SUGCT: variants seen among roughly 807,000 people sequenced by gnomAD.
SUGCT encodes the protein succinyl-CoA:glutarate CoA-transferase.
In SUGCT, 41 loss-of-function variants were observed where a neutral mutation model predicts 55.0. That is an observed-to-expected ratio of 0.74 (90% CI 0.58 to 0.97). The LOEUF (loss-of-function observed/expected upper bound fraction) is 0.97. SUGCT is among the 50% of genes least tolerant of loss of function. The pLI is 0.00. For synonymous variants in SUGCT, 187 were observed against 200.4 expected, an observed-to-expected ratio of 0.93 and a Z score of 0.56; for missense variants, 568 against 547.8, an observed-to-expected ratio of 1.04 and a Z score of -0.37.
chr7:40,384,939 TCTTTTCTTGTCCTCAAGGGC>T (rs1167335037), intron 9 of SUGCT, among the ~76,000 whole-genome samples: 2 of 152,156 alleles, frequency 1.3e-5, no homozygotes, highest in African/African-American at 2.4e-5. Flanking sequence ...AAAGATAGGC[TCTTTTCTTGTCCTCAAGGGC>T]CTTTTCTTGT....
At chr7:40,198,104 T>C (rs1786389080) in intron 6 of SUGCT, among the ~76,000 whole-genome samples, 1 of 152,190 alleles carries the variant, frequency 6.6e-6, no homozygotes, top group Non-Finnish European at 1.5e-5. Context: ...GAGAGGGTGA[T>C]AGGCAGATAT....
chr7:40,959,301 A>C, the SUGCT span, among the ~76,000 whole-genome samples: 2 of 152,190 alleles, frequency 1.3e-5, no homozygotes, highest in African/African-American at 4.8e-5. Context: ...TGTCCCAGGG[A>C]GATGGGAGTT....
intron 12 of SUGCT, among the ~76,000 whole-genome samples, chr7:40,560,074 C>G (rs1795755582): frequency 6.6e-6 from 1 of 152,136 alleles, no homozygotes; most frequent in African/African-American, 2.4e-5. Context: ...TTTAAAATAT[C>G]TTGTTACTAG....
At chr7:40,789,710 A>C (rs997913665) in intron 13 of SUGCT, among the ~76,000 whole-genome samples, 1 of 152,224 alleles carries the variant, frequency 6.6e-6, no homozygotes, top group African/African-American at 2.4e-5. Flanking sequence ...CCCAAGAAAT[A>C]GAGTCCTAAA....
chr7:40,900,092 C>T, the SUGCT span, among the ~76,000 whole-genome samples: 5 of 152,172 alleles, frequency 3.3e-5, no homozygotes, highest in Non-Finnish European at 4.4e-5. Context: ...GAAGCATTGG[C>T]CAGGCTCTGG....
At chr7:40,338,291 G>A (rs1428816714) in intron 9 of SUGCT, among the ~76,000 whole-genome samples, 1 of 152,052 alleles carries the variant, frequency 6.6e-6, no homozygotes, top group Non-Finnish European at 1.5e-5. Context: ...TTGAATGTTG[G>A]CCTGCCTTGC....
intron 9 of SUGCT, among the ~76,000 whole-genome samples, chr7:40,429,669 G>T (rs946087522): frequency 1.3e-5 from 2 of 152,126 alleles, no homozygotes; most frequent in Admixed American, 1.3e-4. Flanking sequence ...TCCTAGCCAC[G>T]CTGGCAGCTG....
intron 8 of SUGCT, among the ~76,000 whole-genome samples, chr7:40,276,519 G>A (rs564062683): frequency 6.6e-6 from 1 of 152,156 alleles, no homozygotes; most frequent in African/African-American, 2.4e-5. Flanking sequence ...TTATGTAGCA[G>A]GTCGTGGAGT....
intron 13 of SUGCT, among the ~76,000 whole-genome samples, chr7:40,811,403 G>T (rs558412195): frequency 1.1e-4 from 17 of 152,214 alleles, no homozygotes; most frequent in African/African-American, 4.1e-4. Flanking sequence ...CGTGAGTATG[G>T]AATATTTTTT....
chr7:40,772,174 C>T (rs1041841260), intron 13 of SUGCT, among the ~76,000 whole-genome samples: 2 of 152,060 alleles, frequency 1.3e-5, no homozygotes, highest in African/African-American at 4.8e-5. Context: ...CTTTCCACAC[C>T]AAAAGTCTGT....
At chr7:40,624,897 T>C (rs1799451642) in intron 12 of SUGCT, among the ~76,000 whole-genome samples, 1 of 151,802 alleles carries the variant, frequency 6.6e-6, no homozygotes, top group African/African-American at 2.4e-5. Context: ...ATTTGAAGAG[T>C]TTCTCTGTAA....
chr7:40,951,615 A>C, the SUGCT span, among the ~76,000 whole-genome samples: 1 of 150,838 alleles, frequency 6.6e-6, no homozygotes, highest in African/African-American at 2.4e-5. Context: ...CCCTCTACAC[A>C]CTTCTTTAAA....
chr7:40,549,493 C>T (rs1795186338), intron 12 of SUGCT, among the ~76,000 whole-genome samples: 1 of 151,940 alleles, frequency 6.6e-6, no homozygotes, highest in Non-Finnish European at 1.5e-5. Context: ...GTACCTCTGC[C>T]TTAGGAATTT....
intron 9 of SUGCT, among the ~76,000 whole-genome samples, chr7:40,328,500 A>C (rs1480473479): frequency 2.0e-5 from 3 of 152,118 alleles, no homozygotes; most frequent in African/African-American, 7.2e-5. Flanking sequence ...TTGGGACATG[A>C]GGAGGAGTAT....
At chr7:40,556,727 G>A (rs1449866450) in intron 12 of SUGCT, among the ~76,000 whole-genome samples, 1 of 152,156 alleles carries the variant, frequency 6.6e-6, no homozygotes, top group Admixed American at 6.5e-5. Context: ...AGCTAAAATA[G>A]TACTTTATAT....
In SUGCT at chr7:40,796,825, T is replaced by C. The variant is rs1191251445; in HGVS notation, c.1153+47328T>C. On this transcript the variant is annotated intron_variant, in intron 13 of 13. Transcript: ENST00000335693. Reference sequence around the variant, plus strand: ...GCTGTTAATCTAGACCAGTGAAAGTTTGGAGCCAACTGATAGCTCCAGAAA... The same window carrying C: ...GCTGTTAATCTAGACCAGTGAAAGTCTGGAGCCAACTGATAGCTCCAGAAA... Among the ~76,000 whole-genome samples, 3 of 152,190 alleles carry C rather than the reference T, an allele frequency of 2.0e-5. No homozygotes were observed. In the East Asian group the frequency reaches 5.8e-4, roughly 29 times the overall value.
chr7:40,529,082 AC>A (rs1316196785), intron 12 of SUGCT, among the ~76,000 whole-genome samples: 3 of 152,198 alleles, frequency 2.0e-5, no homozygotes, highest in Admixed American at 1.3e-4. Flanking sequence ...GAGCAAATCT[AC>A]CCTGTACTGG....
At chr7:40,888,974 G>A in the SUGCT span, among the ~76,000 whole-genome samples, 1 of 152,226 alleles carries the variant, frequency 6.6e-6, no homozygotes, top group East Asian at 1.9e-4. Flanking sequence ...GAGACAAAAA[G>A]CCTGTGGCCT....
the SUGCT span, among the ~76,000 whole-genome samples, chr7:40,867,975 A>C: frequency 6.6e-6 from 1 of 152,208 alleles, no homozygotes; most frequent in Non-Finnish European, 1.5e-5. Flanking sequence ...ATACATAACA[A>C]ATATCTGCTG....
Sources: gnomAD v4.1 joint callset for allele counts (sites outside exome capture counted in the v4.1 genomes callset) on GRCh38, gnomAD v4.1.1 for gene constraint, MANE v1.5 for transcripts, NCBI Gene and HGNC (gene_info 2026-07-23, HGNC 2026-07-21) for gene names.